SNX15: variants seen among roughly 807,000 people sequenced by gnomAD.
The protein encoded by SNX15 is sorting nexin 15.
A neutral mutation model predicts 35.2 loss-of-function variants in SNX15; 29 were observed. The ratio of observed to expected loss-of-function variants is 0.82; its 90% CI spans 0.61 to 1.12. The LOEUF is 1.12. SNX15 is among the 50% of genes most tolerant of loss of function. The probability of loss-of-function intolerance (pLI) is 0.00; values close to 1 mark genes in which losing one functional copy is unlikely to be tolerated. For missense variants in SNX15, 400 were observed against 451.5 expected, an observed-to-expected ratio of 0.89 and a Z score of 1.03; for synonymous variants, 189 against 188.2, an observed-to-expected ratio of 1.00 and a Z score of -0.03.
In SNX15 at chr11:65,039,844, C is replaced by T. The variant is rs1226436113; in HGVS notation, c.*52C>T. On this transcript the variant is annotated 3_prime_UTR_variant, in exon 8 of 8. Transcript: ENST00000377244. ...CTCGCTCCTGCACTGCCAGCCCCTT[C>T]TCCTCTCCCCAGGGCCTGGCCCTAC... 3.1e-6 allele frequency: 4 copies of T among 1,275,268 alleles called. No individual in the cohort carries two copies. The highest frequency in any genetic ancestry group is 3.8e-5 in the Admixed American group (2 of 52,660). 79.0% of individuals were successfully genotyped at this position (1,275,268 alleles called of 1,614,324 possible).
chr11:65,027,520 C>G lies in SNX15; in HGVS notation c.-18C>G, dbSNP rs1446522627. On this transcript the variant is annotated 5_prime_UTR_variant, in exon 1 of 8. Coordinates refer to ENST00000377244, the MANE Select transcript of SNX15 (RefSeq NM_013306.5). Reference sequence around the variant, plus strand: ...AGGAGGTGGAGGCCGGCGCTCCGCTCCGCTCCAGCTCGGTTTCATGTCCCG... The same window carrying G: ...AGGAGGTGGAGGCCGGCGCTCCGCTGCGCTCCAGCTCGGTTTCATGTCCCG... 6.2e-7 allele frequency: 1 copy of G among 1,609,608 alleles called. No individual in the cohort carries two copies. Among genetic ancestry groups the G allele is most frequent in the Non-Finnish European group, 8.5e-7 (1 of 1,176,574 alleles).
intron 6 of SNX15, chr11:65,037,808 C>T (rs1467298522): frequency 6.6e-6 from 1 of 152,348 alleles, no homozygotes; most frequent in East Asian, 1.9e-4. Context: ...TAGGCCCAGC[C>T]AGGAGGTGCC....
Position 65,032,525 on chromosome 11 carries a change from C to G in SNX15, c.230C>G (p.Pro77Arg). Residue 77 changes from proline (P) to arginine (R), a missense_variant, in exon 3 of 8, where the codon CCT becomes CGT. Coordinates refer to ENST00000377244, the MANE Select transcript of SNX15 (RefSeq NM_013306.5). Reference sequence around the variant, plus strand: ...CTCTTCCGCCGCCTCGAGGAGTTCCCTGCTTTCCCCCGGGCCCAGGTGTTT... The same window carrying G: ...CTCTTCCGCCGCCTCGAGGAGTTCCGTGCTTTCCCCCGGGCCCAGGTGTTT... ...RNLFRRLEEF[P>R]AFPRAQVFGR... 6.2e-7 allele frequency: 1 copy of G among 1,614,184 alleles called. No individual in the cohort carries two copies. The highest frequency in any genetic ancestry group is 8.5e-7 in the Non-Finnish European group (1 of 1,180,030).
At chr11:65,039,511 C>T (rs1480738816) in intron 7 of SNX15, among the ~76,000 whole-genome samples, 175 bp from the exon 8 acceptor site, 3 of 152,162 alleles carry the variant, frequency 2.0e-5, no homozygotes, top group Admixed American at 6.5e-5. Flanking sequence ...CGTGAGCCAC[C>T]GCGCCCAGCA....
intron 1 of SNX15, among the ~76,000 whole-genome samples, chr11:65,028,061 AT>A (rs1251253194): frequency 6.6e-6 from 1 of 152,252 alleles, no homozygotes; most frequent in Non-Finnish European, 1.5e-5. Context: ...TTTTCAAAAA[AT>A]AATACTGATC....
intron 6 of SNX15, 27 bp from the exon 7 acceptor site, chr11:65,038,545 G>A: frequency 6.6e-7 from 1 of 1,514,836 alleles, no homozygotes; most frequent in Non-Finnish European, 8.8e-7. Flanking sequence ...GGCCAGTCTG[G>A]TCCGAGTCCT....
rs1422422902 is a variant in SNX15, at chr11:65,035,329, G to C, written c.520+123G>C. The C allele has an allele frequency of 7.1e-6, 9 of 1,261,900 alleles. No homozygotes were observed. The African/African-American group carries it at 1.2e-4, about 17-fold the overall frequency. 78.2% of individuals were successfully genotyped at this position (1,261,900 alleles called of 1,614,324 possible). A position where few individuals can be genotyped will look rare whatever the true frequency, so the allele number is the denominator to read the frequency against. On this transcript the variant is annotated intron_variant, in intron 5 of 7. Transcript: ENST00000377244. ...GTGTCCCAGGTCTATCACTTAACTGGCTGAGGAACTTTGGGCAGGTCCTTT... is the reference window on the plus strand; with the variant it reads ...GTGTCCCAGGTCTATCACTTAACTGCCTGAGGAACTTTGGGCAGGTCCTTT...
intron 6 of SNX15, chr11:65,038,131 C>T: frequency 2.8e-6 from 1 of 356,734 alleles, no homozygotes; most frequent in Non-Finnish European, 3.9e-6. Flanking sequence ...GCTGAAACTG[C>T]AAGGCTTCAG....
chr11:65,032,457 C>G lies in SNX15; in HGVS notation c.162C>G (p.Asp54Glu). ...TGGTGGTCTGGAAGCGGTACAGCGA[C>G]TTCCGCAAGCTGCATGGAGACCTGG... ...KEVVVWKRYSDFRKLHGDLAY... is the reference protein window; with the variant it reads ...KEVVVWKRYSEFRKLHGDLAY... Residue 54 changes from aspartate (D) to glutamate (E), a missense_variant, in exon 3 of 8, where the codon GAC becomes GAG. Transcript: ENST00000377244. 1 of 1,614,198 alleles carries G rather than the reference C, an allele frequency of 6.2e-7. No homozygotes were observed. The highest frequency in any genetic ancestry group is 8.5e-7 in the Non-Finnish European group (1 of 1,180,030).
At chr11:65,038,283 G>C (rs751715340) in intron 6 of SNX15, 55 of 1,116,752 alleles carry the variant, frequency 4.9e-5, no homozygotes, top group Non-Finnish European at 5.9e-5. Flanking sequence ...AGGTCAACTG[G>C]AGTCAAGAGG....
At chr11:65,038,273 A>G (rs1946526393) in intron 6 of SNX15, 1 of 1,094,238 alleles carries the variant, frequency 9.1e-7, no homozygotes, top group Non-Finnish European at 1.1e-6. Flanking sequence ...TTGGATTTCT[A>G]GGTCAACTGG....
Position 65,034,831 on chromosome 11 carries a change from G to A in SNX15, c.257-16G>A. ...TCACCGCCACTCTCCCCTGTTCCTT[G>A]TCCTGGGGGCCGTAGGCCGGTTTGA... On this transcript the variant is annotated splice_polypyrimidine_tract_variant and intron_variant, in intron 3 of 7. Transcript: ENST00000377244. 6.2e-7 allele frequency: 1 copy of A among 1,608,612 alleles called. No homozygotes were observed.
intron 1 of SNX15, 134 bp downstream of exon 1, chr11:65,027,770 A>G (rs896373953): frequency 1.8e-5 from 12 of 666,614 alleles, no homozygotes; most frequent in Non-Finnish European, 2.4e-5. Context: ...GGGAGGTTGC[A>G]GTACGAGGCT....
At position 65,035,639 on chromosome 11, in the gene SNX15, C is replaced by T. The variant is rs760380303; in HGVS notation, c.640C>T (p.Leu214Phe). 11 of 1,608,718 alleles carry T rather than the reference C, an allele frequency of 6.8e-6. No homozygotes were observed. Among genetic ancestry groups the T allele is most frequent in the Non-Finnish European group, 9.3e-6 (11 of 1,177,902 alleles). Residue 214 changes from leucine to phenylalanine, a missense_variant, in exon 6 of 8, where the codon CTC becomes TTC. Physicochemically the swap from Leu to Phe is conservative, Grantham distance 22. Transcript: ENST00000377244. ...RGPLTEAELA[L>F]FDPFSKEEGA... ...CCCCCTCACCGAGGCTGAGCTTGCC[C>T]TCTTCGACCCCTTCTCCAAGGAAGG...
intron 7 of SNX15, among the ~76,000 whole-genome samples, 173 bp from the exon 8 acceptor site, chr11:65,039,513 C>T (rs574506937): frequency 3.3e-5 from 5 of 152,318 alleles, no homozygotes; most frequent in South Asian, 2.1e-4. Flanking sequence ...TGAGCCACCG[C>T]GCCCAGCATG....
intron 3 of SNX15, among the ~76,000 whole-genome samples, chr11:65,034,050 G>A (rs1946471828): frequency 6.6e-6 from 1 of 152,154 alleles, no homozygotes; most frequent in Non-Finnish European, 1.5e-5. Flanking sequence ...CTGCTGTCAG[G>A]TTATGCCAGG....
intron 1 of SNX15, among the ~76,000 whole-genome samples, chr11:65,031,241 C>T (rs147556204): frequency 2.6e-5 from 4 of 152,284 alleles, no homozygotes; most frequent in Non-Finnish European, 4.4e-5. Flanking sequence ...CCAGGCTGGC[C>T]TCAAACTCCT....
chr11:65,034,058 A>G (rs1188911727), intron 3 of SNX15, among the ~76,000 whole-genome samples: 1 of 152,190 alleles, frequency 6.6e-6, no homozygotes, highest in African/African-American at 2.4e-5. Flanking sequence ...AGGTTATGCC[A>G]GGCCAGTGGG....
chr11:65,036,297 C>T lies in SNX15; in HGVS notation c.664+634C>T, dbSNP rs565037539. 4.6e-5 allele frequency: 7 copies of T among 152,418 alleles called. No individual in the cohort carries two copies. In the East Asian group the frequency reaches 9.6e-4, roughly 21 times the overall value. The allele number at this position is 152,418 out of a possible 1,614,324, so 9.4% of individuals were successfully genotyped here. A position where few individuals can be genotyped will look rare whatever the true frequency, so the allele number is the denominator to read the frequency against. On this transcript the variant is annotated intron_variant, in intron 6 of 7. Coordinates refer to ENST00000377244, the MANE Select transcript of SNX15 (RefSeq NM_013306.5). ...GCACATTGGCTCACACCTGTAATCTCGACACTTTGGGAGGCTGAGGCAGGA... is the reference window on the plus strand; with the variant it reads ...GCACATTGGCTCACACCTGTAATCTTGACACTTTGGGAGGCTGAGGCAGGA...
Sources: gnomAD v4.1 joint callset for allele counts (sites outside exome capture counted in the v4.1 genomes callset) on GRCh38, gnomAD v4.1.1 for gene constraint, MANE v1.5 for transcripts, NCBI Gene and HGNC (gene_info 2026-07-23, HGNC 2026-07-21) for gene names.